Variants in MEI4 observed in about 807,000 individuals in gnomAD.
MEI4 encodes the protein meiosis-specific protein MEI4.
A neutral mutation model predicts 31.4 loss-of-function variants in MEI4; 27 were observed. That is an observed-to-expected ratio of 0.86 (90% CI 0.63 to 1.19). The LOEUF (loss-of-function observed/expected upper bound fraction) is 1.19, where lower values mean the gene tolerates loss of function less well. MEI4 is among the 50% of genes most tolerant of loss of function. The probability of loss-of-function intolerance (pLI) is 0.00; values close to 1 mark genes in which losing one functional copy is unlikely to be tolerated. For synonymous variants in MEI4, 122 were observed against 145.4 expected (o/e 0.84, Z 1.16); for missense variants, 329 against 398.9 (o/e 0.82, Z 1.49).
intron 2 of MEI4, among the ~76,000 whole-genome samples, chr6:77,752,829 G>C (rs1399239136): frequency 6.6e-6 from 1 of 151,938 alleles, no homozygotes. Flanking sequence ...ATCAAAGCTG[G>C]AGGCGTCACA....
chr6:77,653,545 C>T (rs1415328489), intron 1 of MEI4, among the ~76,000 whole-genome samples: 1 of 152,238 alleles, frequency 6.6e-6, no homozygotes, highest in South Asian at 2.1e-4. Context: ...TTATATAGCA[C>T]CTGAGTGTTG....
intron 4 of MEI4, among the ~76,000 whole-genome samples, chr6:77,849,384 G>T (rs2127717645): frequency 6.6e-6 from 1 of 152,262 alleles, no homozygotes; most frequent in African/African-American, 2.4e-5. Context: ...TTTCAGGTCA[G>T]CTGAAGGTAG....
chr6:77,780,773 C>G (rs191917190), intron 3 of MEI4, among the ~76,000 whole-genome samples: 1 of 152,072 alleles, frequency 6.6e-6, no homozygotes, highest in Admixed American at 6.6e-5. Flanking sequence ...CTAATATTGT[C>G]TTATTGAATT....
intron 4 of MEI4, among the ~76,000 whole-genome samples, chr6:77,873,786 G>T (rs1210577887): frequency 6.6e-6 from 1 of 152,072 alleles, no homozygotes; most frequent in Non-Finnish European, 1.5e-5. Context: ...TTTGTATAAG[G>T]TGTAAGGAAG....
intron 3 of MEI4, among the ~76,000 whole-genome samples, chr6:77,809,821 C>CTCAGA (rs1258620198): frequency 7.2e-5 from 11 of 151,918 alleles, no homozygotes; most frequent in African/African-American, 2.7e-4. Flanking sequence ...AATAGAATAT[C>CTCAGA]TGAGACATGC....
intron 4 of MEI4, among the ~76,000 whole-genome samples, chr6:77,887,073 T>A (rs1759775332): frequency 6.6e-6 from 1 of 152,042 alleles, no homozygotes; most frequent in African/African-American, 2.4e-5. Context: ...TTTTTCTACT[T>A]TTTGAGGTAA....
At chr6:77,918,039 G>T (rs965678433) in intron 4 of MEI4, among the ~76,000 whole-genome samples, 6 of 151,354 alleles carry the variant, frequency 4.0e-5, no homozygotes, top group South Asian at 2.1e-4. Context: ...TTTCCCCATT[G>T]CTTGTTTTTC....
At position 77,836,884 on chromosome 6, in the gene MEI4, TG is replaced by T. The variant is rs112189173; in HGVS notation, c.900+7825del. On this transcript the variant is annotated intron_variant, in intron 4 of 4. Coordinates refer to ENST00000684080, the MANE Select transcript of MEI4 (RefSeq NM_001322247.2). The stretch of plus-strand genomic sequence containing the variant: ...TAGACAAAATAGAGATTAGGGACCC[TG>T]GGCATGAACTTTTTTTATTTAATCT... Among the ~76,000 whole-genome samples the T allele has an allele frequency of 8.7e-3, 1,325 of 152,240 alleles. 20 individuals are homozygous for T. Among genetic ancestry groups the T allele is most frequent in the African/African-American group, 0.03 (1,248 of 41,568 alleles).
intron 3 of MEI4, among the ~76,000 whole-genome samples, chr6:77,785,667 AAGG>A (rs1768716070): frequency 6.6e-6 from 1 of 152,174 alleles, no homozygotes; most frequent in Non-Finnish European, 1.5e-5. Context: ...TTTTTGTGAG[AAGG>A]TGAGAGAAAT....
intron 2 of MEI4, among the ~76,000 whole-genome samples, chr6:77,753,301 C>T (rs778425309): frequency 6.6e-6 from 1 of 152,146 alleles, no homozygotes; most frequent in Non-Finnish European, 1.5e-5. Flanking sequence ...AAACTATCAT[C>T]AGAGTGAACA....
intron 2 of MEI4, among the ~76,000 whole-genome samples, chr6:77,759,128 T>C (rs1028200134): frequency 4.6e-5 from 7 of 152,182 alleles, no homozygotes; most frequent in Non-Finnish European, 7.3e-5. Flanking sequence ...TTTCAACCTA[T>C]TGTTTTGGTG....
chr6:77,864,487 C>T (rs901633145), intron 4 of MEI4, among the ~76,000 whole-genome samples: 12 of 151,994 alleles, frequency 7.9e-5, no homozygotes, highest in African/African-American at 2.7e-4. Flanking sequence ...ACAAAGAAGG[C>T]CATTACATAA....
chr6:77,851,329 T>C (rs143708438), intron 4 of MEI4, among the ~76,000 whole-genome samples: 1,567 of 152,174 alleles, frequency 0.01, 25 homozygotes, highest in African/African-American at 0.035. Flanking sequence ...TAAAGACACA[T>C]GCACATGTAT....
chr6:77,689,223 A>G (rs1237440425), intron 1 of MEI4, among the ~76,000 whole-genome samples: 1 of 151,878 alleles, frequency 6.6e-6, no homozygotes, highest in Non-Finnish European at 1.5e-5. Flanking sequence ...TGTCCATATA[A>G]TTTCATGTCT....
intron 4 of MEI4, among the ~76,000 whole-genome samples, chr6:77,869,231 G>A (rs1331663459): frequency 6.6e-6 from 1 of 152,144 alleles, no homozygotes; most frequent in Non-Finnish European, 1.5e-5. Context: ...CTAAGTTACA[G>A]TAGGGAGAGG....
At chr6:77,732,363 C>T (rs1767027667) in intron 2 of MEI4, among the ~76,000 whole-genome samples, 2 of 151,934 alleles carry the variant, frequency 1.3e-5, no homozygotes, top group Non-Finnish European at 2.9e-5. Context: ...AATTTGGATT[C>T]CTAGGTATTT....
intron 4 of MEI4, among the ~76,000 whole-genome samples, chr6:77,829,299 A>G (rs548716792): frequency 6.6e-6 from 1 of 152,278 alleles, no homozygotes; most frequent in East Asian, 1.9e-4. Flanking sequence ...CAAAGATGCC[A>G]TTGGTGACAG....
At chr6:77,865,686 T>C (rs563501625) in intron 4 of MEI4, among the ~76,000 whole-genome samples, 5 of 152,176 alleles carry the variant, frequency 3.3e-5, no homozygotes, top group Admixed American at 2.0e-4. Flanking sequence ...CTGAAACTAT[T>C]CCAATCAATA....
rs1766790216 is a variant in MEI4, at chr6:77,924,266, T to A, written c.*920T>A. The A allele has an allele frequency of 6.6e-6, 1 of 151,892 alleles. No homozygotes were observed. The highest frequency in any genetic ancestry group is 2.1e-4 in the South Asian group (1 of 4,830). 9.4% of individuals were successfully genotyped at this position (151,892 alleles called of 1,614,324 possible). ...TTCCTTTATTAATGATATGTGATGGTGTTTCATAAGTTAATTAGCATTCCT... is the reference window on the plus strand; with the variant it reads ...TTCCTTTATTAATGATATGTGATGGAGTTTCATAAGTTAATTAGCATTCCT... On this transcript the variant is annotated 3_prime_UTR_variant, in exon 5 of 5. Coordinates refer to ENST00000684080, the MANE Select transcript of MEI4 (RefSeq NM_001322247.2).
Sources: allele counts gnomAD v4.1 joint callset (sites outside exome capture counted in the v4.1 genomes callset), GRCh38; gene constraint gnomAD v4.1.1; transcripts MANE v1.5; gene names NCBI Gene and HGNC (gene_info 2026-07-23, HGNC 2026-07-21).